The following SPSB4 variants were observed in gnomAD, a reference collection of about 807,000 sequenced individuals.
SPSB4 encodes splA/ryanodine receptor domain and SOCS box containing 4.
In SPSB4, 21 loss-of-function variants were observed where a neutral mutation model predicts 20.9. The ratio of observed to expected loss-of-function variants is 1.01; its 90% CI spans 0.71 to 1.45. SPSB4 has a LOEUF of 1.45. SPSB4 is among the 40% of genes most tolerant of loss of function. The pLI is 0.00. For synonymous variants in SPSB4, 207 were observed against 183.8 expected (o/e 1.13, Z -1.02); for missense variants, 399 against 399.2 (o/e 1.00, Z 0.00).
chr3:141,061,460 A>G (rs1319064416), intron 1 of SPSB4, among the ~76,000 whole-genome samples: 1 of 152,012 alleles, frequency 6.6e-6, no homozygotes, highest in Non-Finnish European at 1.5e-5. Context: ...ATAGTTTTAG[A>G]TTTAAAGAAA....
chr3:141,113,474 C>T (rs1046210665), intron 2 of SPSB4, among the ~76,000 whole-genome samples: 11 of 152,208 alleles, frequency 7.2e-5, no homozygotes, highest in African/African-American at 1.7e-4. Context: ...GAATGACATT[C>T]GGATACATGC....
chr3:141,065,031 C>A (rs1042613819), intron 1 of SPSB4, among the ~76,000 whole-genome samples: 1 of 152,094 alleles, frequency 6.6e-6, no homozygotes, highest in African/African-American at 2.4e-5. Flanking sequence ...GTTCCAGGAC[C>A]CTTTATATTA....
chr3:141,145,216 A>G (rs1162835054), intron 2 of SPSB4, among the ~76,000 whole-genome samples: 1 of 146,018 alleles, frequency 6.8e-6, no homozygotes, highest in Non-Finnish European at 1.5e-5. Context: ...AAAAGAGAAT[A>G]CAAAAAATTA....
chr3:141,081,852 C>T (rs548101226), intron 2 of SPSB4, among the ~76,000 whole-genome samples: 6 of 152,268 alleles, frequency 3.9e-5, no homozygotes, highest in African/African-American at 1.4e-4. Flanking sequence ...GCCTGGACGG[C>T]GTTAGGGGCT....
At chr3:141,140,365 C>T (rs1302869828) in intron 2 of SPSB4, among the ~76,000 whole-genome samples, 4 of 152,134 alleles carry the variant, frequency 2.6e-5, no homozygotes, top group South Asian at 2.1e-4. Flanking sequence ...AGCTTTGTTC[C>T]GTTGCTGGTG....
Position 141,065,968 on chromosome 3 carries a change from C to G in SPSB4, c.-137C>G, listed in dbSNP as rs889404409. Reference sequence around the variant, plus strand: ...TCCTTCCAGGAGCTTGGGCCCCTGCCGCAGCCCGGTAGAGGCTGTGGAGGT... The same window carrying G: ...TCCTTCCAGGAGCTTGGGCCCCTGCGGCAGCCCGGTAGAGGCTGTGGAGGT... On this transcript the variant is annotated 5_prime_UTR_variant, in exon 2 of 3. Transcript: ENST00000310546. 1.3e-6 allele frequency: 1 copy of G among 784,798 alleles called. No homozygotes were observed. Among genetic ancestry groups the G allele is most frequent in the Non-Finnish European group, 1.9e-6 (1 of 531,900 alleles). The allele number at this position is 784,798 out of a possible 1,614,324, so 48.6% of individuals were successfully genotyped here. A position where few individuals can be genotyped will look rare whatever the true frequency, so the allele number is the denominator to read the frequency against.
chr3:141,103,086 C>T (rs1354958638), intron 2 of SPSB4, among the ~76,000 whole-genome samples: 1 of 152,226 alleles, frequency 6.6e-6, no homozygotes, highest in East Asian at 1.9e-4. Flanking sequence ...TCTGTTTTCC[C>T]AATACCTGAT....
At chr3:141,112,384 G>T (rs941900389) in intron 2 of SPSB4, among the ~76,000 whole-genome samples, 1 of 152,084 alleles carries the variant, frequency 6.6e-6, no homozygotes. Flanking sequence ...GGTGGCTCAC[G>T]CCTGTAATCC....
chr3:141,075,562 T>C (rs1169352298), intron 2 of SPSB4, among the ~76,000 whole-genome samples: 5 of 152,142 alleles, frequency 3.3e-5, no homozygotes, highest in African/African-American at 1.2e-4. Flanking sequence ...AGCCACCTGG[T>C]GACCTTCTTA....
intron 2 of SPSB4, among the ~76,000 whole-genome samples, chr3:141,076,735 C>T (rs145459361): frequency 7.4e-4 from 113 of 152,296 alleles, no homozygotes; most frequent in African/African-American, 2.4e-3. Flanking sequence ...CTCAGGGTCA[C>T]GTTGAGTCTT....
chr3:141,129,499 C>T (rs2107804032), intron 2 of SPSB4, among the ~76,000 whole-genome samples: 1 of 152,366 alleles, frequency 6.6e-6, no homozygotes, highest in East Asian at 1.9e-4. Context: ...CCTGTTGCAC[C>T]TGCTTCCTGT....
At chr3:141,138,248 G>A (rs149595184) in intron 2 of SPSB4, among the ~76,000 whole-genome samples, 10,495 of 152,176 alleles carry the variant, frequency 0.069, 739 homozygotes, top group Admixed American at 0.22. Context: ...AGTCTTGCTA[G>A]TGGTCTATCA....
chr3:141,074,829 T>C (rs60787216), intron 2 of SPSB4, among the ~76,000 whole-genome samples: 7,055 of 152,292 alleles, frequency 0.046, 532 homozygotes, highest in African/African-American at 0.16. Flanking sequence ...AGTTGTGGGC[T>C]GGCCATTATT....
In SPSB4 at chr3:141,068,339, G is replaced by C. The variant is rs184720007; in HGVS notation, c.694+1541G>C. 1.3e-3 allele frequency among the ~76,000 whole-genome samples: 203 copies of C among 152,338 alleles called. 1 individual carries two copies. Among genetic ancestry groups the C allele is most frequent in the South Asian group, 2.7e-3 (13 of 4,826 alleles). On this transcript the variant is annotated intron_variant, in intron 2 of 2. Coordinates refer to ENST00000310546, the MANE Select transcript of SPSB4 (RefSeq NM_080862.3). Reference sequence around the variant, plus strand: ...GAACTGATGATTATGTCCCTGAGAAGGGCTAATTTAGTCATCACAGTGCCT... The same window carrying C: ...GAACTGATGATTATGTCCCTGAGAACGGCTAATTTAGTCATCACAGTGCCT...
chr3:141,134,744 A>G (rs1478075526), intron 2 of SPSB4, among the ~76,000 whole-genome samples: 1 of 152,000 alleles, frequency 6.6e-6, no homozygotes, highest in Admixed American at 6.6e-5. Flanking sequence ...AGATTTTTGC[A>G]TGTATGTTAA....
At chr3:141,062,575 A>G (rs971149574) in intron 1 of SPSB4, among the ~76,000 whole-genome samples, 4 of 152,128 alleles carry the variant, frequency 2.6e-5, no homozygotes, top group African/African-American at 9.7e-5. Context: ...AGTATGTGGA[A>G]TGCTTTTTGT....
At chr3:141,056,326 G>A (rs1002890090) in intron 1 of SPSB4, among the ~76,000 whole-genome samples, 9 of 152,158 alleles carry the variant, frequency 5.9e-5, no homozygotes, top group Admixed American at 1.3e-4. Flanking sequence ...ACATCTACCT[G>A]TTATCTGCAT....
chr3:141,060,770 C>T (rs1576513806), intron 1 of SPSB4, among the ~76,000 whole-genome samples: 1 of 152,244 alleles, frequency 6.6e-6, no homozygotes. Flanking sequence ...CTGTTCCACA[C>T]ATTCTCCAAG....
At chr3:141,081,328 T>C (rs1938225537) in intron 2 of SPSB4, among the ~76,000 whole-genome samples, 1 of 152,214 alleles carries the variant, frequency 6.6e-6, no homozygotes, top group Admixed American at 6.5e-5. Flanking sequence ...CTCAAAGTTC[T>C]ACTGGATGGG....
Sources: gnomAD v4.1 joint callset for allele counts (sites outside exome capture counted in the v4.1 genomes callset) on GRCh38, gnomAD v4.1.1 for gene constraint, MANE v1.5 for transcripts, NCBI Gene and HGNC (gene_info 2026-07-23, HGNC 2026-07-21) for gene names.